The following TBC1D32 variants were observed in gnomAD, a reference collection of about 807,000 sequenced individuals.
TBC1D32 encodes the protein TBC1 domain family member 32.
In TBC1D32, 151 loss-of-function variants were observed where a neutral mutation model predicts 170.3. The observed-to-expected ratio is 0.89, with a 90% CI of 0.78 to 1.01. The LOEUF is 1.01. TBC1D32 is among the 50% of genes least tolerant of loss of function. The pLI, the probability that TBC1D32 is intolerant of heterozygous loss-of-function variation, is 0.00. For synonymous variants in TBC1D32, 498 were observed against 488.0 expected, an observed-to-expected ratio of 1.02 and a Z score of -0.27; for missense variants, 1,464 against 1,457.1, an observed-to-expected ratio of 1.00 and a Z score of -0.08.
intron 22 of TBC1D32, among the ~76,000 whole-genome samples, chr6:121,161,997 G>C (rs992810763): frequency 2.6e-5 from 4 of 152,094 alleles, no homozygotes; most frequent in Non-Finnish European, 4.4e-5. Context: ...AGAAGCATCT[G>C]TTCATGTCCT....
intron 22 of TBC1D32, among the ~76,000 whole-genome samples, chr6:121,175,022 T>G: frequency 3.3e-5 from 1 of 30,636 alleles, no homozygotes; most frequent in African/African-American, 7.4e-5. Context: ...ACAGACCTTG[T>G]CAAAAAAAAA....
chr6:121,298,105 A>G, intron 10 of TBC1D32, among the ~76,000 whole-genome samples: 1 of 152,122 alleles, frequency 6.6e-6, no homozygotes, highest in Admixed American at 6.6e-5. Flanking sequence ...ATTTTCCCCA[A>G]TGTTTATTTT....
chr6:121,225,462 C>T (rs1794954836), intron 20 of TBC1D32, among the ~76,000 whole-genome samples: 1 of 151,904 alleles, frequency 6.6e-6, no homozygotes, highest in South Asian at 2.1e-4. Context: ...TTTAAAATGT[C>T]TATTTTGGTA....
Position 121,279,109 on chromosome 6 carries a change from A to C in TBC1D32, c.1733+12T>G, listed in dbSNP as rs1215906609. 6.3e-7 allele frequency: 1 copy of C among 1,581,608 alleles called. No individual in the cohort carries two copies. Among genetic ancestry groups the C allele is most frequent in the South Asian group, 1.2e-5 (1 of 85,152 alleles). Reference sequence around the variant, plus strand: ...ACCTGGAATAATTATCCGGATTTAAAATAGCACATACCTTTCTTCAGAAGA... The same window carrying C: ...ACCTGGAATAATTATCCGGATTTAACATAGCACATACCTTTCTTCAGAAGA... On this transcript the variant is annotated intron_variant, in intron 15 of 31. Transcript: ENST00000398212.
At chr6:121,249,587 C>T (rs1347409910) in intron 17 of TBC1D32, among the ~76,000 whole-genome samples, 1 of 151,974 alleles carries the variant, frequency 6.6e-6, no homozygotes, top group South Asian at 2.1e-4. Context: ...ATCCAAAAAG[C>T]TCCCAGATCT....
At chr6:121,324,790 T>A (rs1022584650) in intron 1 of TBC1D32, among the ~76,000 whole-genome samples, 1 of 152,180 alleles carries the variant, frequency 6.6e-6, no homozygotes, top group Non-Finnish European at 1.5e-5. Flanking sequence ...AAGAAAAAAA[T>A]TCAAAAATTA....
chr6:121,149,438 G>A (rs1017797356), intron 24 of TBC1D32, among the ~76,000 whole-genome samples: 2 of 152,224 alleles, frequency 1.3e-5, no homozygotes, highest in Middle Eastern at 6.8e-3. Context: ...CTTTGTATAA[G>A]TTATAACAAA....
At chr6:121,086,284 G>A (rs990393996) in intron 31 of TBC1D32, among the ~76,000 whole-genome samples, 4 of 152,106 alleles carry the variant, frequency 2.6e-5, no homozygotes, top group Admixed American at 2.6e-4. Context: ...CTCACACAGT[G>A]AGTGGCAAAG....
At chr6:121,099,442 T>C (rs1450007561) in intron 30 of TBC1D32, among the ~76,000 whole-genome samples, 2 of 151,966 alleles carry the variant, frequency 1.3e-5, no homozygotes, top group Non-Finnish European at 2.9e-5. Flanking sequence ...TCTTGCTACA[T>C]TTAATTTTTT....
chr6:121,196,838 T>A (rs1790803181), intron 22 of TBC1D32, among the ~76,000 whole-genome samples: 1 of 152,186 alleles, frequency 6.6e-6, no homozygotes, highest in African/African-American at 2.4e-5. Context: ...ATACTGTTTT[T>A]GCCATAGCCA....
At chr6:121,304,272 C>A in intron 8 of TBC1D32, 93 bp downstream of exon 8, 1 of 1,139,342 alleles carries the variant, frequency 8.8e-7, no homozygotes, top group South Asian at 1.5e-5. Flanking sequence ...CAGGTAAGTC[C>A]ATTAAGACTG....
At chr6:121,299,378 C>A in intron 10 of TBC1D32, 68 bp downstream of exon 10, 4 of 1,410,932 alleles carry the variant, frequency 2.8e-6, no homozygotes, top group Non-Finnish European at 2.9e-6. Context: ...TTTGCATAGT[C>A]AAGTTATTAC....
chr6:121,234,964 TA>T (rs1030146464), intron 20 of TBC1D32, among the ~76,000 whole-genome samples: 2 of 152,038 alleles, frequency 1.3e-5, no homozygotes, highest in African/African-American at 2.4e-5. Flanking sequence ...TGAACTATAG[TA>T]ATTGTTTTTG....
intron 5 of TBC1D32, 33 bp downstream of exon 5, chr6:121,307,943 T>G (rs1807579704): frequency 1.3e-6 from 2 of 1,584,204 alleles, no homozygotes; most frequent in Non-Finnish European, 1.7e-6. Context: ...GGAAAACAAA[T>G]TATTTTTAAT....
At chr6:121,123,303 T>A (rs1184859186) in intron 26 of TBC1D32, among the ~76,000 whole-genome samples, 2 of 152,104 alleles carry the variant, frequency 1.3e-5, no homozygotes, top group East Asian at 3.8e-4. Flanking sequence ...CTACAGTTTT[T>A]CCCTGGATGA....
chr6:121,282,028 C>G (rs1803082228), intron 13 of TBC1D32, among the ~76,000 whole-genome samples: 1 of 151,610 alleles, frequency 6.6e-6, no homozygotes, highest in Non-Finnish European at 1.5e-5. Context: ...ATGTTTTTCT[C>G]CCTAGAATAC....
intron 30 of TBC1D32, among the ~76,000 whole-genome samples, chr6:121,097,646 G>A (rs1344810193): frequency 6.6e-6 from 1 of 152,012 alleles, no homozygotes; most frequent in Non-Finnish European, 1.5e-5. Context: ...GATTCCTCAA[G>A]GATCTAGAAC....
chr6:121,198,012 A>T (rs1451258990), intron 22 of TBC1D32, among the ~76,000 whole-genome samples: 5 of 151,680 alleles, frequency 3.3e-5, no homozygotes, highest in African/African-American at 1.2e-4. Flanking sequence ...CCTGCGCTGG[A>T]TGCTTCCTGC....
At chr6:121,303,584 T>TA in intron 9 of TBC1D32, 33 bp downstream of exon 9, 1 of 1,475,582 alleles carries the variant, frequency 6.8e-7, no homozygotes, top group Non-Finnish European at 9.1e-7. Context: ...AGCAATGCAC[T>TA]AAAAGGTATA....
Sources: gnomAD v4.1 joint callset for allele counts (sites outside exome capture counted in the v4.1 genomes callset) on GRCh38, gnomAD v4.1.1 for gene constraint, MANE v1.5 for transcripts, NCBI Gene and HGNC (gene_info 2026-07-23, HGNC 2026-07-21) for gene names.